ANKRD12: variants seen among roughly 807,000 people sequenced by gnomAD.
ANKRD12 encodes ankyrin repeat domain 12, also known as ankyrin repeat domain-containing protein 12.
A neutral mutation model predicts 183.4 loss-of-function variants in ANKRD12; 85 were observed. The ratio of observed to expected loss-of-function variants is 0.46; its 90% confidence interval spans 0.39 to 0.56. The LOEUF (loss-of-function observed/expected upper bound fraction) is 0.56, where lower values mean the gene tolerates loss of function less well. Ranked by LOEUF, ANKRD12 falls within the 20% of genes least tolerant of loss-of-function variation. The pLI is 0.00. For synonymous variants in ANKRD12, 914 were observed against 800.2 expected (o/e 1.14, Z -2.40); for missense variants, 2,405 against 2,357.1 (o/e 1.02, Z -0.42).
chr18:9,176,566 C>CTAA (rs1396403709), intron 1 of ANKRD12, among the ~76,000 whole-genome samples: 2 of 151,926 alleles, frequency 1.3e-5, no homozygotes, highest in Non-Finnish European at 2.9e-5. Flanking sequence ...GCTGGGATTA[C>CTAA]CAGTGTGAAC....
intron 6 of ANKRD12, among the ~76,000 whole-genome samples, chr18:9,212,839 G>T (rs1277390991): frequency 6.6e-6 from 1 of 151,880 alleles, no homozygotes; most frequent in Non-Finnish European, 1.5e-5. Context: ...TTCATGATCA[G>T]TAGTGATGGT....
At chr18:9,266,640 C>T (rs4335830) in intron 10 of ANKRD12, among the ~76,000 whole-genome samples, 12,005 of 152,136 alleles carry the variant, frequency 0.079, 496 homozygotes, top group African/African-American at 0.097. Context: ...AAGGAACAAC[C>T]GGTACCAGCC....
intron 8 of ANKRD12, among the ~76,000 whole-genome samples, chr18:9,247,397 T>G (rs1432694153): frequency 6.6e-6 from 1 of 151,924 alleles, no homozygotes; most frequent in Non-Finnish European, 1.5e-5. Context: ...GAGGATCGCA[T>G]GAGCCCAGGA....
At chr18:9,208,613 C>G (rs766752436) in intron 4 of ANKRD12, 44 bp from the exon 5 acceptor site, 1 of 1,555,478 alleles carries the variant, frequency 6.4e-7, no homozygotes, top group Non-Finnish European at 8.7e-7. Context: ...CTTTTGAGTA[C>G]TTGGATTTGT....
intron 1 of ANKRD12, among the ~76,000 whole-genome samples, chr18:9,159,933 T>C (rs1363856604): frequency 5.9e-5 from 9 of 151,460 alleles, no homozygotes; most frequent in Non-Finnish European, 1.2e-4. Flanking sequence ...GCCTCCCAAG[T>C]AGCTGGGACT....
chr18:9,277,792 A>G (rs2039923924), intron 11 of ANKRD12, among the ~76,000 whole-genome samples: 1 of 134,242 alleles, frequency 7.4e-6, no homozygotes, highest in Non-Finnish European at 1.7e-5. Context: ...CAAATACAGC[A>G]GAGTTGAGGA....
chr18:9,268,458 T>G (rs1488897729), intron 10 of ANKRD12, among the ~76,000 whole-genome samples: 2 of 152,334 alleles, frequency 1.3e-5, no homozygotes, highest in South Asian at 4.1e-4. Flanking sequence ...GATGCAAGGC[T>G]GGTTCAGCAT....
intron 10 of ANKRD12, among the ~76,000 whole-genome samples, chr18:9,264,442 G>T (rs1188221578): frequency 6.6e-6 from 1 of 152,170 alleles, no homozygotes; most frequent in Non-Finnish European, 1.5e-5. Context: ...TGTAAACTAT[G>T]ATCCTTCTTC....
At position 9,255,302 on chromosome 18, in the gene ANKRD12, A is replaced by G; in HGVS notation, c.2035A>G (p.Lys679Glu). Residue 679 changes from lysine (K) to glutamate (E), a missense_variant, in exon 9 of 13, where the codon AAG (lysine) becomes GAG (glutamate). Physicochemically the swap from Lys to Glu is moderately conservative, Grantham distance 56. Around this residue, in one of 7 missense-constraint regions of ANKRD12, gnomAD observed 1,983 missense variants for 1,725.9 expected, o/e 1.15. Transcript: ENST00000262126. ...AGGTGAAAAGGAAAAATACAAAACT[A>G]AGGATAGTGCCAAAGAACTGCAGAG... ...IEGEKEKYKTKDSAKELQRSV... is the reference protein window; with the variant it reads ...IEGEKEKYKTEDSAKELQRSV... 1 of 1,586,386 alleles carries G rather than the reference A, an allele frequency of 6.3e-7. No individual in the cohort carries two copies. Among genetic ancestry groups the G allele is most frequent in the South Asian group, 1.2e-5 (1 of 84,492 alleles).
intron 1 of ANKRD12, among the ~76,000 whole-genome samples, chr18:9,166,275 A>G (rs1272625599): frequency 1.3e-5 from 2 of 152,322 alleles, no homozygotes; most frequent in African/African-American, 4.8e-5. Context: ...TTCTAATTCT[A>G]GATCCCTGAG....
chr18:9,255,106 C>G lies in ANKRD12; in HGVS notation c.1839C>G (p.His613Gln), dbSNP rs778923500. The G allele has an allele frequency of 1.3e-6, 2 of 1,575,278 alleles. No individual in the cohort carries two copies. The highest frequency in any genetic ancestry group is 1.7e-6 in the Non-Finnish European group (2 of 1,167,918). Residue 613 changes from histidine to glutamine, a missense_variant, in exon 9 of 13, where the codon CAC becomes CAG. His to Gln is a conservative substitution (Grantham distance 24). Transcript: ENST00000262126. Reference protein sequence around the residue: ...KEKSKHQKDFHLEFGEKSNAK... With the variant: ...KEKSKHQKDFQLEFGEKSNAK... ...AAAGCAAACATCAGAAAGATTTCCA[C>G]TTAGAATTTGGTGAAAAATCAAATG...
At chr18:9,237,530 A>G (rs1263884499) in intron 8 of ANKRD12, among the ~76,000 whole-genome samples, 2 of 152,216 alleles carry the variant, frequency 1.3e-5, no homozygotes, top group Non-Finnish European at 2.9e-5. Context: ...ATCAATGTAT[A>G]GCCTCACCAT....
chr18:9,168,834 C>T (rs2032369980), intron 1 of ANKRD12, among the ~76,000 whole-genome samples: 1 of 152,004 alleles, frequency 6.6e-6, no homozygotes, highest in Non-Finnish European at 1.5e-5. Context: ...TTAGATCTTT[C>T]CTGCTTTCTC....
At chr18:9,280,598 G>A (rs1416736586) in intron 12 of ANKRD12, among the ~76,000 whole-genome samples, 2 of 152,158 alleles carry the variant, frequency 1.3e-5, no homozygotes, top group Non-Finnish European at 2.9e-5. Context: ...AAACCAGCCC[G>A]GCCGACATGG....
rs2038486190 is a variant in ANKRD12 at position 9,254,520 on chromosome 18, C to T, written c.1253C>T (p.Pro418Leu). The T allele has an allele frequency of 6.5e-7, 1 of 1,542,888 alleles. No individual in the cohort carries two copies. The highest frequency in any genetic ancestry group is 1.4e-5 in the African/African-American group (1 of 71,608). ...PKSFKSKKQK[P>L]SRVLYSSTES... ...TCATTTAAAAGTAAAAAACAAAAGC[C>T]ATCTAGGGTCTTATATTCAAGTACT... Residue 418 changes from proline (P) to leucine (L), a missense_variant, in exon 9 of 13, where the codon CCA becomes CTA. Physicochemically the swap from Pro to Leu is moderately conservative, Grantham distance 98 (BLOSUM62 -3). Transcript: ENST00000262126.
intron 8 of ANKRD12, among the ~76,000 whole-genome samples, chr18:9,252,090 T>C (rs1356011020): frequency 1.3e-5 from 2 of 152,164 alleles, no homozygotes; most frequent in Non-Finnish European, 2.9e-5. Context: ...TTAAGGGAAC[T>C]TGAGGATTTG....
chr18:9,157,550 G>GGTGTGTATGTGTGT lies in ANKRD12; in HGVS notation c.-52+20591_-52+20592insATGTGTGTGTGTGT, dbSNP rs1555707774. On this transcript the variant is annotated intron_variant, in intron 1 of 12. Transcript: ENST00000262126. ...AATGGTAAATTTTATGGTGTGTGTG[G>GGTGTGTATGTGTGT]GTGTGTGTGTGTGTGTGTGTGTGTG... Among the ~76,000 whole-genome samples the GGTGTGTATGTGTGT allele has an allele frequency of 5.2e-3, 596 of 114,564 alleles. 10 individuals are homozygous for GGTGTGTATGTGTGT. Among genetic ancestry groups the GGTGTGTATGTGTGT allele is most frequent in the African/African-American group, 0.023 (571 of 25,018 alleles). 75.2% of individuals were successfully genotyped at this position (114,564 alleles called of 152,430 possible). A position where few individuals can be genotyped will look rare whatever the true frequency, so the allele number is the denominator to read the frequency against.
intron 1 of ANKRD12, among the ~76,000 whole-genome samples, chr18:9,139,355 A>G (rs1052938797): frequency 2.6e-5 from 4 of 152,232 alleles, no homozygotes; most frequent in African/African-American, 4.8e-5. Flanking sequence ...GTTGAAAACC[A>G]TGACTGATAC....
chr18:9,245,421 C>A (rs1283340011), intron 8 of ANKRD12, among the ~76,000 whole-genome samples: 2 of 152,036 alleles, frequency 1.3e-5, no homozygotes, highest in African/African-American at 2.4e-5. Flanking sequence ...GATCATACCA[C>A]CACTCTCCAG....
Sources: allele counts gnomAD v4.1 joint callset (sites outside exome capture counted in the v4.1 genomes callset), GRCh38; gene constraint gnomAD v4.1.1; regional missense constraint gnomAD v4.1.1; transcripts MANE v1.5; gene names NCBI Gene and HGNC (gene_info 2026-07-23, HGNC 2026-07-21).